The following SUMF1 variants were observed in gnomAD, a reference collection of about 807,000 sequenced individuals.
SUMF1 encodes the protein sulfatase modifying factor 1, also known as formylglycine-generating enzyme.
SUMF1 carries 48 observed loss-of-function variants against 47.6 expected under a neutral mutation model. That is an observed-to-expected ratio of 1.01 (90% confidence interval 0.80 to 1.28). The LOEUF (loss-of-function observed/expected upper bound fraction) is 1.28. Among genes scored for constraint, SUMF1 ranks in the 50% most tolerant of loss-of-function variants. The pLI is 0.00. For synonymous variants in SUMF1, 230 were observed against 192.1 expected (o/e 1.20, Z -1.63); for missense variants, 571 against 485.4 (o/e 1.18, Z -1.66).
intron 8 of SUMF1, among the ~76,000 whole-genome samples, chr3:4,340,029 G>T (rs146631207): frequency 6.6e-6 from 1 of 152,054 alleles, no homozygotes; most frequent in African/African-American, 2.4e-5. Flanking sequence ...AGTGAGCCAA[G>T]ATCGCACCAC....
chr3:4,209,707 T>C (rs1695737362), intron 8 of SUMF1, among the ~76,000 whole-genome samples: 1 of 152,080 alleles, frequency 6.6e-6, no homozygotes, highest in African/African-American at 2.4e-5. Context: ...CAAAATCAAC[T>C]ATATGCTAAC....
intron 9 of SUMF1, among the ~76,000 whole-genome samples, chr3:4,039,032 C>T (rs1171163167): frequency 6.6e-6 from 1 of 151,872 alleles, no homozygotes; most frequent in East Asian, 1.9e-4. Context: ...AAGAGAACTA[C>T]CTAAATGCAA....
chr3:4,456,454 G>GTTTTT (rs775343012), intron 1 of SUMF1, among the ~76,000 whole-genome samples: 2 of 134,094 alleles, frequency 1.5e-5, no homozygotes, highest in Non-Finnish European at 1.6e-5. Flanking sequence ...GTTTTTCTTT[G>GTTTTT]TTTTTTTTTT....
At chr3:4,451,510 C>T (rs1702967968) in intron 2 of SUMF1, among the ~76,000 whole-genome samples, 1 of 152,144 alleles carries the variant, frequency 6.6e-6, no homozygotes, top group African/African-American at 2.4e-5. Context: ...ATAACTTTTC[C>T]CTATCCATGT....
intron 9 of SUMF1, among the ~76,000 whole-genome samples, chr3:4,043,069 T>C (rs138477446): frequency 4.6e-5 from 7 of 152,222 alleles, no homozygotes; most frequent in Non-Finnish European, 7.4e-5. Context: ...TGAGCATTCG[T>C]TCCCTGGCTC....
intron 8 of SUMF1, among the ~76,000 whole-genome samples, chr3:4,175,922 C>T (rs1694949897): frequency 1.3e-5 from 2 of 151,858 alleles, no homozygotes; most frequent in East Asian, 1.9e-4. Context: ...TTTGATAAAG[C>T]GGAAGAAAGG....
rs1029115282 is a variant in SUMF1, at chr3:4,306,822, T to C, written c.1014+69508A>G. On this transcript the variant is annotated intron_variant and NMD_transcript_variant, in intron 8 of 12. Transcript: ENST00000448413. ...ACTTTGTGTCTGTTTTGCCTTTGGCTACTGTGTGAAAAGGCAAAAAGAAAT... is the reference window on the plus strand; with the variant it reads ...ACTTTGTGTCTGTTTTGCCTTTGGCCACTGTGTGAAAAGGCAAAAAGAAAT... Among the ~76,000 whole-genome samples, 30 of 152,252 alleles carry C rather than the reference T, an allele frequency of 2.0e-4. 1 individual carries two copies. Among genetic ancestry groups the C allele is most frequent in the Non-Finnish European group, 7.3e-5 (5 of 68,050 alleles).
At chr3:4,151,235 A>G (rs1456328587) in intron 8 of SUMF1, among the ~76,000 whole-genome samples, 1 of 136,644 alleles carries the variant, frequency 7.3e-6, no homozygotes, top group Non-Finnish European at 1.6e-5. Flanking sequence ...ATAAATATAT[A>G]TATCAACATA....
intron 3 of SUMF1, among the ~76,000 whole-genome samples, chr3:4,439,019 G>T (rs1702492432): frequency 6.6e-6 from 1 of 152,054 alleles, no homozygotes. Flanking sequence ...ACGCTAAAAA[G>T]TAAAAATCTT....
intron 8 of SUMF1, among the ~76,000 whole-genome samples, chr3:4,212,120 G>T (rs530099306): frequency 2.0e-5 from 3 of 152,186 alleles, no homozygotes; most frequent in South Asian, 2.1e-4. Context: ...CCTGACCGCC[G>T]TGTATCCTGA....
chr3:4,060,289 C>G (rs1695256278), intron 9 of SUMF1, among the ~76,000 whole-genome samples: 1 of 152,168 alleles, frequency 6.6e-6, no homozygotes, highest in Non-Finnish European at 1.5e-5. Context: ...TAATCCATGT[C>G]TGGCCTGCCA....
intron 7 of SUMF1, among the ~76,000 whole-genome samples, chr3:4,393,349 T>G (rs1700937605): frequency 6.6e-6 from 1 of 152,116 alleles, no homozygotes; most frequent in African/African-American, 2.4e-5. Context: ...ATTTTAGTTT[T>G]AGAGACAGGG....
At chr3:4,170,133 T>C (rs111643829) in intron 8 of SUMF1, among the ~76,000 whole-genome samples, 1 of 152,302 alleles carries the variant, frequency 6.6e-6, no homozygotes, top group African/African-American at 2.4e-5. Context: ...TATTTATATA[T>C]TGTCTATGGC....
intron 7 of SUMF1, among the ~76,000 whole-genome samples, chr3:4,395,674 T>C (rs794185): frequency 0.44 from 66,867 of 152,074 alleles, 14,975 homozygotes; most frequent in African/African-American, 0.5. Flanking sequence ...ATTTCCTCCA[T>C]GCTACTTGTT....
chr3:4,153,792 T>G (rs1363945971), intron 8 of SUMF1, among the ~76,000 whole-genome samples: 1 of 151,524 alleles, frequency 6.6e-6, no homozygotes, highest in African/African-American at 2.4e-5. Context: ...TGTATAGAAA[T>G]TATTGTTGCC....
At chr3:4,060,990 T>C (rs1399838712) in intron 9 of SUMF1, among the ~76,000 whole-genome samples, 1 of 152,110 alleles carries the variant, frequency 6.6e-6, no homozygotes, top group Non-Finnish European at 1.5e-5. Context: ...CCAAAGTGTC[T>C]TGAGGAATGT....
chr3:4,100,228 C>A (rs1409022919), intron 8 of SUMF1, among the ~76,000 whole-genome samples: 1 of 151,618 alleles, frequency 6.6e-6, no homozygotes, highest in East Asian at 1.9e-4. Flanking sequence ...CACTGAAAAG[C>A]CAAAGCAATC....
Position 4,361,873 on chromosome 3 carries a change from G to T in SUMF1, c.*271C>A. 1 of 439,694 alleles carries T rather than the reference G, an allele frequency of 2.3e-6. No individual in the cohort carries two copies. The highest frequency in any genetic ancestry group is 4.2e-6 in the Non-Finnish European group (1 of 235,666). 27.2% of individuals were successfully genotyped at this position (439,694 alleles called of 1,614,324 possible). A position where few individuals can be genotyped will look rare whatever the true frequency, so the allele number is the denominator to read the frequency against. On this transcript the variant is annotated 3_prime_UTR_variant, in exon 9 of 9. Transcript: ENST00000272902. Reference sequence around the variant, plus strand: ...TAGGACGCGGGCCTCCTGAAGCCTAGCTCAGGGTTCCCTCCACTCCCCTTC... The same window carrying T: ...TAGGACGCGGGCCTCCTGAAGCCTATCTCAGGGTTCCCTCCACTCCCCTTC...
intron 8 of SUMF1, among the ~76,000 whole-genome samples, chr3:4,369,586 T>C (rs562953581): frequency 6.6e-6 from 1 of 152,320 alleles, no homozygotes; most frequent in East Asian, 1.9e-4. Context: ...TCTTGTCCCA[T>C]AAACGTACAC....
Sources: gnomAD v4.1 joint callset for allele counts (sites outside exome capture counted in the v4.1 genomes callset) on GRCh38, gnomAD v4.1.1 for gene constraint, MANE v1.5 for transcripts, NCBI Gene and HGNC (gene_info 2026-07-23, HGNC 2026-07-21) for gene names.